ENOX1: variants seen among roughly 807,000 people sequenced by gnomAD.
ENOX1 encodes ecto-NOX disulfide-thiol exchanger 1, also known as candidate growth-related and time keeping constitutive hydroquinone (NADH) oxidase.
In ENOX1, 42 loss-of-function variants were observed where a neutral mutation model predicts 82.5. The observed-to-expected ratio is 0.51, with a 90% CI of 0.40 to 0.66. The LOEUF is 0.66. ENOX1 is among the 30% of genes least tolerant of loss of function. The probability of loss-of-function intolerance (pLI) is 0.00; values close to 1 mark genes in which losing one functional copy is unlikely to be tolerated. For missense variants in ENOX1, 608 were observed against 811.6 expected, an observed-to-expected ratio of 0.75 and a Z score of 3.05; for synonymous variants, 271 against 282.2, an observed-to-expected ratio of 0.96 and a Z score of 0.40.
Position 43,330,630 on chromosome 13 carries a change from T to C in ENOX1, c.1037-4105A>G, listed in dbSNP as rs529026479. Among the ~76,000 whole-genome samples the C allele has an allele frequency of 5.3e-5, 8 of 152,254 alleles. No homozygotes were observed. In the South Asian group the frequency reaches 1.2e-3, roughly 24 times the overall value. ...AGGTTATTTGAGGATCATAAGAAAATTAAAAATGATAAATTCTTCAGAAGT... is the reference window on the plus strand; with the variant it reads ...AGGTTATTTGAGGATCATAAGAAAACTAAAAATGATAAATTCTTCAGAAGT... On this transcript the variant is annotated intron_variant, in intron 9 of 16. Transcript: ENST00000690772.
At position 43,406,028 on chromosome 13, in the gene ENOX1, A is replaced by C. The variant is rs113547314; in HGVS notation, c.208+5888T>G. Reference sequence around the variant, plus strand: ...CTGTATTCCCAGTATTTAGCATAACATCTGGCTCAATAAATCTCAGTTAAA... The same window carrying C: ...CTGTATTCCCAGTATTTAGCATAACCTCTGGCTCAATAAATCTCAGTTAAA... On this transcript the variant is annotated intron_variant, in intron 5 of 16. Coordinates refer to ENST00000690772, the MANE Select transcript of ENOX1 (RefSeq NM_001347969.2). Among the ~76,000 whole-genome samples, 148 of 152,370 alleles carry C rather than the reference A, an allele frequency of 9.7e-4. 2 individuals are homozygous for C. Among genetic ancestry groups the C allele is most frequent in the African/African-American group, 3.2e-3 (134 of 41,590 alleles).
intron 1 of ENOX1, among the ~76,000 whole-genome samples, chr13:43,708,612 A>G (rs1224559621): frequency 2.0e-5 from 3 of 152,224 alleles, no homozygotes; most frequent in African/African-American, 7.2e-5. Flanking sequence ...ACAATAGGAC[A>G]AATTAATTTT....
At chr13:43,778,362 C>T (rs886556359) in intron 1 of ENOX1, among the ~76,000 whole-genome samples, 3 of 152,106 alleles carry the variant, frequency 2.0e-5, no homozygotes, top group Non-Finnish European at 4.4e-5. Flanking sequence ...TAAGAACTGG[C>T]AGGAAAAATT....
At chr13:43,638,041 A>G (rs1000323510) in intron 2 of ENOX1, among the ~76,000 whole-genome samples, 2 of 152,196 alleles carry the variant, frequency 1.3e-5, no homozygotes, top group African/African-American at 4.8e-5. Context: ...AACAAATAAA[A>G]GCAGAGCCTG....
chr13:43,572,321 C>CT (rs1202813780), intron 2 of ENOX1, among the ~76,000 whole-genome samples: 1 of 152,120 alleles, frequency 6.6e-6, no homozygotes, highest in Non-Finnish European at 1.5e-5. Context: ...AATTGTTTGG[C>CT]TCAAATAACA....
At chr13:43,475,794 C>A (rs1280951112) in intron 3 of ENOX1, among the ~76,000 whole-genome samples, 147 of 70,846 alleles carry the variant, frequency 2.1e-3, no homozygotes, top group African/African-American at 3.1e-3. Flanking sequence ...CATAACTGAC[C>A]AAAAAAAAAA....
chr13:43,404,173 G>A (rs1044215147), intron 5 of ENOX1, among the ~76,000 whole-genome samples: 1 of 152,018 alleles, frequency 6.6e-6, no homozygotes, highest in South Asian at 2.1e-4. Context: ...CAAAACACAC[G>A]AGTCACAGGT....
chr13:43,745,048 T>G (rs1025953753), intron 1 of ENOX1, among the ~76,000 whole-genome samples: 6 of 152,208 alleles, frequency 3.9e-5, no homozygotes, highest in African/African-American at 1.4e-4. Context: ...ACTAGGAGTA[T>G]GCTGGGCCTT....
intron 1 of ENOX1, among the ~76,000 whole-genome samples, chr13:43,670,751 G>C (rs1217417523): frequency 6.6e-6 from 1 of 152,062 alleles, no homozygotes; most frequent in Non-Finnish European, 1.5e-5. Flanking sequence ...GCTGAGGCAG[G>C]AGAATTGCTT....
chr13:43,390,254 T>C (rs926652238), intron 5 of ENOX1, among the ~76,000 whole-genome samples: 6 of 152,156 alleles, frequency 3.9e-5, no homozygotes, highest in Non-Finnish European at 7.4e-5. Flanking sequence ...TCATGGCATA[T>C]AAATGAGCTT....
chr13:43,495,515 A>T (rs932802487), intron 2 of ENOX1, among the ~76,000 whole-genome samples: 1 of 152,058 alleles, frequency 6.6e-6, no homozygotes, highest in Non-Finnish European at 1.5e-5. Flanking sequence ...TAAGTATTCA[A>T]TTGTATAAAC....
chr13:43,292,539 T>C, intron 12 of ENOX1, among the ~76,000 whole-genome samples: 1 of 152,248 alleles, frequency 6.6e-6, no homozygotes, highest in Non-Finnish European at 1.5e-5. Context: ...CTCAGTTCTC[T>C]GGAGCACTAC....
chr13:43,611,062 T>G (rs2082179753), intron 2 of ENOX1, among the ~76,000 whole-genome samples: 1 of 152,196 alleles, frequency 6.6e-6, no homozygotes, highest in Non-Finnish European at 1.5e-5. Context: ...TGGCAGCAAC[T>G]CTTACTGTTA....
intron 2 of ENOX1, among the ~76,000 whole-genome samples, chr13:43,593,799 TA>T (rs2081350095): frequency 6.6e-6 from 1 of 152,082 alleles, no homozygotes; most frequent in African/African-American, 2.4e-5. Context: ...TTTCTTAACT[TA>T]TCCTTCTTCT....
intron 1 of ENOX1, among the ~76,000 whole-genome samples, chr13:43,674,504 T>C (rs1391068764): frequency 6.6e-6 from 1 of 152,040 alleles, no homozygotes; most frequent in Non-Finnish European, 1.5e-5. Context: ...ACTATACCAT[T>C]CCAACTACAT....
chr13:43,381,888 C>A (rs1045417803), intron 5 of ENOX1, among the ~76,000 whole-genome samples: 5 of 151,928 alleles, frequency 3.3e-5, no homozygotes, highest in African/African-American at 1.2e-4. Context: ...CACAAGGAAA[C>A]TTCATGCCTA....
intron 2 of ENOX1, among the ~76,000 whole-genome samples, chr13:43,633,607 T>C (rs2083301083): frequency 6.6e-6 from 1 of 152,002 alleles, no homozygotes; most frequent in African/African-American, 2.4e-5. Flanking sequence ...GGAAAATCTT[T>C]TAAGATATAT....
chr13:43,606,638 C>T (rs1222237202), intron 2 of ENOX1, among the ~76,000 whole-genome samples: 1 of 151,926 alleles, frequency 6.6e-6, no homozygotes, highest in Non-Finnish European at 1.5e-5. Flanking sequence ...CAATGATCAC[C>T]AGAGACTGGG....
intron 2 of ENOX1, among the ~76,000 whole-genome samples, chr13:43,587,898 T>C (rs2081067444): frequency 1.3e-5 from 2 of 152,030 alleles, no homozygotes; most frequent in Non-Finnish European, 1.5e-5. Flanking sequence ...CATGTGGAAA[T>C]AGTTTTAGGA....
Sources: gnomAD v4.1 joint callset for allele counts (sites outside exome capture counted in the v4.1 genomes callset) on GRCh38, gnomAD v4.1.1 for gene constraint, MANE v1.5 for transcripts, NCBI Gene and HGNC (gene_info 2026-07-23, HGNC 2026-07-21) for gene names.